The following ZNF536 variants were observed in gnomAD, a reference collection of about 807,000 sequenced individuals.
ZNF536 encodes the protein zinc finger protein 536.
ZNF536 carries 13 observed loss-of-function variants against 84.5 expected under a neutral mutation model. The ratio of observed to expected loss-of-function variants is 0.15; its 90% confidence interval spans 0.10 to 0.24. The LOEUF (loss-of-function observed/expected upper bound fraction) is 0.24. Ranked by LOEUF, ZNF536 falls within the 10% of genes least tolerant of loss-of-function variation. The pLI, the probability that ZNF536 is intolerant of heterozygous loss-of-function variation, is 1.00. For synonymous variants in ZNF536, 811 were observed against 742.5 expected (o/e 1.09, Z -1.50); for missense variants, 1,536 against 1,747.5 (o/e 0.88, Z 2.16).
At chr19:30,611,917 A>G (rs2048118394) in intron 1 of ZNF536, among the ~76,000 whole-genome samples, 1 of 152,104 alleles carries the variant, frequency 6.6e-6, no homozygotes, top group African/African-American at 2.4e-5. Context: ...TTCATCTCTT[A>G]AGCGTGGATC....
chr19:30,229,511 C>A (rs1401741978), intron 1 of ZNF536, among the ~76,000 whole-genome samples: 1 of 152,140 alleles, frequency 6.6e-6, no homozygotes, highest in African/African-American at 2.4e-5. Context: ...TCTTGTTTGC[C>A]GGCCAGCCTG....
At chr19:30,525,824 G>A (rs1294620620) in intron 2 of ZNF536, among the ~76,000 whole-genome samples, 1 of 152,220 alleles carries the variant, frequency 6.6e-6, no homozygotes, top group Admixed American at 6.5e-5. Flanking sequence ...CAGCCTCAGA[G>A]GAGAACAGAA....
chr19:30,440,256 C>T lies in ZNF536; in HGVS notation c.-2-3305C>T, dbSNP rs74776586. 7.2e-3 allele frequency among the ~76,000 whole-genome samples: 1,095 copies of T among 152,080 alleles called. 41 individuals carry two copies. Among genetic ancestry groups the T allele is most frequent in the East Asian group, 0.062 (316 of 5,138 alleles). On this transcript the variant is annotated intron_variant, in intron 1 of 4. Transcript: ENST00000355537. The stretch of plus-strand genomic sequence containing the variant: ...GATTACAGGCATAAGCCACCATGGC[C>T]GGCCAGAGGTGGCTTTCTCTTGGTG...
Position 30,549,418 on chromosome 19 carries a change from G to T in ZNF536, c.3799G>T (p.Val1267Phe), listed in dbSNP as rs750798022. ...SLDKPMNMLS[V>F]LRAYSSDGLA... ...GGACAAGCCGATGAACATGCTGTCG[G>T]TCCTCAGGGCCTACAGTTCTGATGG... is the stretch of plus-strand genomic sequence containing the variant. Residue 1267 changes from valine (V) to phenylalanine (F), a missense_variant, in exon 4 of 5, where the codon GTC (valine) becomes TTC (phenylalanine). By Grantham distance (50) the Val-to-Phe change is conservative. Transcript: ENST00000355537. 6.3e-7 allele frequency: 1 copy of T among 1,586,778 alleles called. No individual in the cohort carries two copies. Among genetic ancestry groups the T allele is most frequent in the Non-Finnish European group, 8.6e-7 (1 of 1,166,716 alleles).
intron 2 of ZNF536, among the ~76,000 whole-genome samples, chr19:30,446,248 C>CAAAAAAAAAAAAAAAAAAAAAAAAAAA (rs1177505634): frequency 3.1e-4 from 9 of 29,174 alleles, no homozygotes; most frequent in Non-Finnish European, 3.4e-4. Context: ...GACACTGTCT[C>CAAAAAAAAAAAAAAAAAAAAAAAAAAA]AAAAAAAAAA....
intron 1 of ZNF536, among the ~76,000 whole-genome samples, chr19:30,653,921 C>G (rs1019700524): frequency 5.3e-5 from 8 of 152,270 alleles, no homozygotes; most frequent in African/African-American, 1.9e-4. Context: ...CTGGAGTTTG[C>G]TGGAATGGAG....
rs59889852 is a variant in ZNF536, at chr19:30,264,966, T to TGTGTGTGTGAGAGAGAGA, written c.-189-19105_-189-19104insTGTGTGTGAGAGAGAGAG. 1.4e-3 allele frequency among the ~76,000 whole-genome samples: 188 copies of TGTGTGTGTGAGAGAGAGA among 133,836 alleles called. 1 individual carries two copies. Among genetic ancestry groups the TGTGTGTGTGAGAGAGAGA allele is most frequent in the Middle Eastern group, 3.9e-3 (1 of 256 alleles). 87.8% of individuals were successfully genotyped at this position (133,836 alleles called of 152,430 possible). A position where few individuals can be genotyped will look rare whatever the true frequency, so the allele number is the denominator to read the frequency against. ...GTGTGTGTGTGTGTGTGTGTGTGTG[T>TGTGTGTGTGAGAGAGAGA]GAGAGAGAGAGAGAGAAAGAGAGAT... On this transcript the variant is annotated intron_variant, in intron 1 of 5. Transcript: ENST00000585628.
At chr19:30,533,619 G>A (rs1039636373) in intron 2 of ZNF536, among the ~76,000 whole-genome samples, 1 of 152,228 alleles carries the variant, frequency 6.6e-6, no homozygotes, top group African/African-American at 2.4e-5. Context: ...AGGAACAGAC[G>A]TTGAGGAATA....
At chr19:30,543,790 G>A (rs920431454) in intron 3 of ZNF536, among the ~76,000 whole-genome samples, 1 of 152,184 alleles carries the variant, frequency 6.6e-6, no homozygotes, top group African/African-American at 2.4e-5. Flanking sequence ...TGCCTCCTGA[G>A]CACTCTGAAA....
At chr19:30,543,406 C>T (rs1263527949) in intron 3 of ZNF536, among the ~76,000 whole-genome samples, 3 of 152,212 alleles carry the variant, frequency 2.0e-5, no homozygotes, top group Non-Finnish European at 4.4e-5. Flanking sequence ...CTAGACAGAG[C>T]TGCTGGCAGG....
At chr19:30,535,644 G>C (rs1357893332) in intron 3 of ZNF536, among the ~76,000 whole-genome samples, 1 of 152,008 alleles carries the variant, frequency 6.6e-6, no homozygotes, top group Non-Finnish European at 1.5e-5. Flanking sequence ...ACGAGGACTG[G>C]CTGGCAACAG....
intron 2 of ZNF536, among the ~76,000 whole-genome samples, chr19:30,473,603 C>T (rs2053729260): frequency 6.6e-6 from 1 of 152,222 alleles, no homozygotes; most frequent in South Asian, 2.1e-4. Flanking sequence ...CACCCATCCT[C>T]ACACATGCCT....
intron 2 of ZNF536, among the ~76,000 whole-genome samples, chr19:30,498,845 TC>T (rs1267742204): frequency 6.6e-6 from 1 of 151,922 alleles, no homozygotes; most frequent in African/African-American, 2.4e-5. Flanking sequence ...GCTGCAGTCC[TC>T]CGGGCACTCT....
chr19:30,514,517 A>T (rs575427716), intron 2 of ZNF536, among the ~76,000 whole-genome samples: 1 of 152,184 alleles, frequency 6.6e-6, no homozygotes, highest in East Asian at 1.9e-4. Context: ...ATGACCAAGT[A>T]GAAGAGTGAC....
intron 2 of ZNF536, among the ~76,000 whole-genome samples, chr19:30,460,474 G>T (rs1044423756): frequency 5.3e-5 from 8 of 152,156 alleles, no homozygotes; most frequent in Admixed American, 4.6e-4. Flanking sequence ...TCTGCACATG[G>T]TGACGAGGTT....
intron 2 of ZNF536, among the ~76,000 whole-genome samples, chr19:30,310,942 A>T (rs2146086831): frequency 6.6e-6 from 1 of 152,124 alleles, no homozygotes. Flanking sequence ...CTCCTGGGCG[A>T]CTCAGGGCCC....
At chr19:30,582,156 G>A (rs2046942025) in intron 1 of ZNF536, among the ~76,000 whole-genome samples, 1 of 152,048 alleles carries the variant, frequency 6.6e-6, no homozygotes, top group Non-Finnish European at 1.5e-5. Flanking sequence ...CTGGCAGCTG[G>A]GAAAACAATG....
At position 30,241,997 on chromosome 19, in the gene ZNF536, G is replaced by A. The variant is rs562493278; in HGVS notation, c.-190+13324G>A. ...AAGGTTGGAAAGATCTTGGTGGCGC[G>A]ATCTTTCTTTGCATGGGGAAGGGGA... On this transcript the variant is annotated intron_variant, in intron 1 of 5. Coordinates refer to the ZNF536 transcript ENST00000585628. 2.7e-4 allele frequency among the ~76,000 whole-genome samples: 41 copies of A among 152,186 alleles called. No individual in the cohort carries two copies. The Middle Eastern group carries it at 0.02, about 76-fold the overall frequency.
intron 1 of ZNF536, among the ~76,000 whole-genome samples, chr19:30,259,028 AT>A: frequency 6.6e-6 from 1 of 152,038 alleles, no homozygotes; most frequent in Non-Finnish European, 1.5e-5. Flanking sequence ...AAAATTTTTT[AT>A]TTTTTTATTA....
Sources: allele counts gnomAD v4.1 joint callset (sites outside exome capture counted in the v4.1 genomes callset), GRCh38; gene constraint gnomAD v4.1.1; transcripts MANE v1.5; gene names NCBI Gene and HGNC (gene_info 2026-07-23, HGNC 2026-07-21).